The following MYT1L variants were observed in gnomAD, a reference collection of about 807,000 sequenced individuals.
MYT1L encodes the protein myelin transcription factor 1 like, also known as myelin transcription factor 1-like protein.
In MYT1L, 12 loss-of-function variants were observed where a neutral mutation model predicts 126.7. That is an observed-to-expected ratio of 0.09 (90% CI 0.06 to 0.15). The LOEUF (loss-of-function observed/expected upper bound fraction) is 0.15. Ranked by LOEUF, MYT1L falls within the 10% of genes least tolerant of loss-of-function variation. The pLI is 1.00. For missense variants in MYT1L, 979 were observed against 1,585.2 expected, an observed-to-expected ratio of 0.62 and a Z score of 6.49; for synonymous variants, 541 against 604.2, an observed-to-expected ratio of 0.90 and a Z score of 1.53.
At chr2:2,175,253 C>T (rs1044644391) in intron 2 of MYT1L, among the ~76,000 whole-genome samples, 6 of 152,134 alleles carry the variant, frequency 3.9e-5, no homozygotes, top group Non-Finnish European at 5.9e-5. Context: ...AAGAAGCCAG[C>T]TCCTGGTGAC....
intron 4 of MYT1L, among the ~76,000 whole-genome samples, chr2:2,005,296 G>GTTCTTTCCTGCGTGCC (rs1410571881): frequency 7.3e-5 from 7 of 95,638 alleles, no homozygotes; most frequent in African/African-American, 1.6e-4. Context: ...TCCTGCAGGC[G>GTTCTTTCCTGCGTGCC]TTCTTTCCTG....
intron 21 of MYT1L, among the ~76,000 whole-genome samples, chr2:1,833,814 C>T (rs529399155): frequency 3.9e-5 from 6 of 151,934 alleles, no homozygotes; most frequent in South Asian, 4.2e-4. Context: ...TTTTCAGACA[C>T]GACTCAGCTC....
Position 2,217,685 on chromosome 2 carries a change from C to CAAAAAAAAAAAAAAA in MYT1L, c.-420-44698_-420-44697insTTTTTTTTTTTTTTT, listed in dbSNP as rs1167910803. ...AACTCCATCTCAACAACAACAACAA[C>CAAAAAAAAAAAAAAA]AACAACAACAACAACAACAACAAAA... is the stretch of plus-strand genomic sequence containing the variant. On this transcript the variant is annotated intron_variant, in intron 2 of 24. Coordinates refer to ENST00000647738, the MANE Select transcript of MYT1L (RefSeq NM_001303052.2). Among the ~76,000 whole-genome samples the CAAAAAAAAAAAAAAA allele has an allele frequency of 7.5e-5, 6 of 79,658 alleles. 1 individual carries two copies. The highest frequency in any genetic ancestry group is 2.7e-4 in the East Asian group (1 of 3,654). The allele number at this position is 79,658 out of a possible 152,430, so 52.3% of individuals were successfully genotyped here. A position where few individuals can be genotyped will look rare whatever the true frequency, so the allele number is the denominator to read the frequency against.
rs1427886741 is a variant in MYT1L at position 2,295,567 on chromosome 2, G to GAC, written c.-520-11065_-520-11064insGT. On this transcript the variant is annotated intron_variant, in intron 1 of 24. Transcript: ENST00000647738. ...AGAGAGAGAGAGAGACAGACAGACA[G>GAC]AGAGAGAGAGAGAGAGACAGACAGA... 1.7e-3 allele frequency among the ~76,000 whole-genome samples: 29 copies of GAC among 16,658 alleles called. 1 individual carries two copies. The highest frequency in any genetic ancestry group is 5.0e-3 in the African/African-American group (28 of 5,596). 10.9% of individuals were successfully genotyped at this position (16,658 alleles called of 152,430 possible). A position where few individuals can be genotyped will look rare whatever the true frequency, so the allele number is the denominator to read the frequency against.
intron 3 of MYT1L, among the ~76,000 whole-genome samples, chr2:2,064,989 AAG>A (rs1319060935): frequency 1.3e-5 from 2 of 152,150 alleles, no homozygotes; most frequent in African/African-American, 4.8e-5. Flanking sequence ...ACTTGAGACC[AAG>A]AGTTGGAGAC....
chr2:2,103,874 G>C (rs992210382), intron 3 of MYT1L, among the ~76,000 whole-genome samples: 3 of 152,242 alleles, frequency 2.0e-5, no homozygotes, highest in Non-Finnish European at 4.4e-5. Context: ...CTTCAACAGA[G>C]CAGATGCTGT....
chr2:2,052,218 A>G (rs1461297430), intron 4 of MYT1L, among the ~76,000 whole-genome samples: 2 of 152,242 alleles, frequency 1.3e-5, no homozygotes, highest in Non-Finnish European at 2.9e-5. Flanking sequence ...TTCAACACAC[A>G]GAGTATACCC....
At chr2:2,070,542 T>G (rs1350062265) in intron 3 of MYT1L, among the ~76,000 whole-genome samples, 1 of 152,212 alleles carries the variant, frequency 6.6e-6, no homozygotes, top group Non-Finnish European at 1.5e-5. Context: ...TTTTTGAGAT[T>G]TGATGTTGAC....
chr2:2,280,378 C>A (rs2095430579), intron 2 of MYT1L, among the ~76,000 whole-genome samples: 1 of 152,156 alleles, frequency 6.6e-6, no homozygotes, highest in Admixed American at 6.5e-5. Flanking sequence ...TAGGCATTAT[C>A]TCCAGGACAA....
chr2:2,206,320 C>T (rs900805021), intron 2 of MYT1L, among the ~76,000 whole-genome samples: 1 of 152,130 alleles, frequency 6.6e-6, no homozygotes, highest in Non-Finnish European at 1.5e-5. Context: ...CTATTTGTAC[C>T]ATTCACCTTT....
At chr2:2,123,083 T>A (rs1363525682) in intron 3 of MYT1L, among the ~76,000 whole-genome samples, 1 of 152,084 alleles carries the variant, frequency 6.6e-6, no homozygotes, top group African/African-American at 2.4e-5. Flanking sequence ...CTCCCCAACA[T>A]TCTGGCACAG....
chr2:1,841,162 CTTTTT>C, intron 19 of MYT1L: 25 of 86,100 alleles, frequency 2.9e-4, no homozygotes, highest in Admixed American at 5.4e-4. Context: ...ACCTCGGCCT[CTTTTT>C]TTTTTTTTTT....
At chr2:2,087,764 T>C (rs1373642291) in intron 3 of MYT1L, among the ~76,000 whole-genome samples, 1 of 152,176 alleles carries the variant, frequency 6.6e-6, no homozygotes, top group African/African-American at 2.4e-5. Flanking sequence ...GAAGAGCTAC[T>C]ACAAATAGAT....
At chr2:2,064,035 C>A (rs975307124) in intron 3 of MYT1L, among the ~76,000 whole-genome samples, 1 of 151,966 alleles carries the variant, frequency 6.6e-6, no homozygotes, top group East Asian at 1.9e-4. Context: ...TGTTTAATAC[C>A]CATTATTTAA....
chr2:1,887,284 A>G lies in MYT1L; in HGVS notation c.2642+204T>C, dbSNP rs1430928860. ...AAAATGCACGGGTTAAATGAAAATG[A>G]CGCCCCCATCCGACAGAGCGTCACT... is the stretch of plus-strand genomic sequence containing the variant. On this transcript the variant is annotated intron_variant, in intron 17 of 24. Transcript: ENST00000647738. The surrounding 1 kb of genome is among the most constrained non-coding windows in gnomAD (Gnocchi z 4.8). 6.6e-6 allele frequency among the ~76,000 whole-genome samples: 1 copy of G among 152,330 alleles called. No individual in the cohort carries two copies. Among genetic ancestry groups the G allele is most frequent in the Middle Eastern group, 3.4e-3 (1 of 294 alleles).
At chr2:2,017,870 T>A (rs1574549767) in intron 4 of MYT1L, among the ~76,000 whole-genome samples, 1 of 152,320 alleles carries the variant, frequency 6.6e-6, no homozygotes, top group East Asian at 1.9e-4. Flanking sequence ...TTTTTCAAAA[T>A]TTTGGACCTT....
chr2:2,181,369 A>G (rs1029745563), intron 2 of MYT1L, among the ~76,000 whole-genome samples: 6 of 152,170 alleles, frequency 3.9e-5, no homozygotes, highest in African/African-American at 1.2e-4. Context: ...TCTGACACAC[A>G]GAAACTTCAT....
At chr2:2,204,400 C>T (rs1461289095) in intron 2 of MYT1L, among the ~76,000 whole-genome samples, 3 of 150,556 alleles carry the variant, frequency 2.0e-5, no homozygotes, top group Non-Finnish European at 4.4e-5. Flanking sequence ...ACAATGAACT[C>T]AAACAAATTT....
chr2:1,854,781 C>G (rs139603068), intron 18 of MYT1L, among the ~76,000 whole-genome samples: 4 of 152,136 alleles, frequency 2.6e-5, no homozygotes, highest in African/African-American at 9.7e-5. Flanking sequence ...CTGTTTGGCC[C>G]GAGAAGGCTC....
Sources: gnomAD v4.1 joint callset for allele counts (sites outside exome capture counted in the v4.1 genomes callset) on GRCh38, gnomAD v4.1.1 for gene constraint, Gnocchi (gnomAD v3.1) non-coding constraint, MANE v1.5 for transcripts, NCBI Gene and HGNC (gene_info 2026-07-23, HGNC 2026-07-21) for gene names.